Variants in MACROD2 observed in about 807,000 individuals in gnomAD.
MACROD2 encodes mono-ADP ribosylhydrolase 2.
In MACROD2, 36 loss-of-function variants were observed where a neutral mutation model predicts 70.4. The observed-to-expected ratio is 0.51, with a 90% CI of 0.39 to 0.68. The LOEUF (loss-of-function observed/expected upper bound fraction) is 0.68. Ranked by LOEUF, MACROD2 falls within the 30% of genes least tolerant of loss-of-function variation. The probability of loss-of-function intolerance (pLI) is 0.00; values close to 1 mark genes in which losing one functional copy is unlikely to be tolerated. For synonymous variants in MACROD2, 172 were observed against 178.8 expected (o/e 0.96, Z 0.30); for missense variants, 496 against 538.4 (o/e 0.92, Z 0.78).
intron 3 of MACROD2, among the ~76,000 whole-genome samples, chr20:14,313,274 T>G (rs1396269948): frequency 2.6e-5 from 4 of 152,196 alleles, no homozygotes; most frequent in Non-Finnish European, 5.9e-5. Flanking sequence ...TTTGTGAACA[T>G]TTGGTAAGCA....
chr20:15,305,334 C>T (rs1283872452), intron 6 of MACROD2, among the ~76,000 whole-genome samples: 1 of 151,890 alleles, frequency 6.6e-6, no homozygotes, highest in East Asian at 1.9e-4. Context: ...CCTCTTTTTC[C>T]AAAATGATTC....
At chr20:14,216,176 T>A (rs979951350) in intron 3 of MACROD2, among the ~76,000 whole-genome samples, 1 of 152,154 alleles carries the variant, frequency 6.6e-6, no homozygotes, top group African/African-American at 2.4e-5. Context: ...TTGAGTTGAT[T>A]TTTGTATAAG....
intron 5 of MACROD2, among the ~76,000 whole-genome samples, chr20:14,962,357 G>A (rs1385164052): frequency 2.0e-5 from 3 of 151,808 alleles, no homozygotes; most frequent in Non-Finnish European, 4.4e-5. Flanking sequence ...GGAGTACATT[G>A]GCTCAATCAT....
At chr20:14,391,648 A>G (rs2083527830) in intron 3 of MACROD2, among the ~76,000 whole-genome samples, 1 of 151,642 alleles carries the variant, frequency 6.6e-6, no homozygotes, top group African/African-American at 2.4e-5. Context: ...AGCCTTCTAT[A>G]AGAGATCTGT....
chr20:15,030,036 G>GCAC (rs2075262400), intron 5 of MACROD2, among the ~76,000 whole-genome samples: 1 of 142,972 alleles, frequency 7.0e-6, no homozygotes, highest in South Asian at 2.2e-4. Context: ...GTTGCAGTGA[G>GCAC]CACCACTGCA....
intron 15 of MACROD2, among the ~76,000 whole-genome samples, chr20:15,995,516 AT>A (rs375137161): frequency 3.3e-5 from 5 of 150,670 alleles, no homozygotes; most frequent in African/African-American, 9.8e-5. Flanking sequence ...TGCCCGGCTA[AT>A]TTTTTTGTAT....
At chr20:15,212,414 C>T (rs1394067775) in intron 5 of MACROD2, among the ~76,000 whole-genome samples, 1 of 152,158 alleles carries the variant, frequency 6.6e-6, no homozygotes, top group Non-Finnish European at 1.5e-5. Flanking sequence ...TGAGCTCTTC[C>T]TACTGCAAAA....
intron 6 of MACROD2, 49 bp downstream of exon 6, chr20:15,230,110 C>G: frequency 6.4e-7 from 1 of 1,559,438 alleles, no homozygotes; most frequent in Non-Finnish European, 8.7e-7. Flanking sequence ...AACCTTTATG[C>G]TTTAGTAATC....
chr20:15,375,944 G>A (rs960076423), intron 6 of MACROD2, among the ~76,000 whole-genome samples: 1 of 152,006 alleles, frequency 6.6e-6, no homozygotes, highest in East Asian at 1.9e-4. Flanking sequence ...TACAACAACA[G>A]TAATGATGAA....
chr20:14,182,391 A>G (rs745597982), intron 3 of MACROD2, among the ~76,000 whole-genome samples: 3 of 152,104 alleles, frequency 2.0e-5, no homozygotes, highest in Non-Finnish European at 4.4e-5. Flanking sequence ...TTTATCAGGT[A>G]TATGATTTGT....
At chr20:15,780,233 A>G (rs2051807989) in intron 8 of MACROD2, among the ~76,000 whole-genome samples, 1 of 152,126 alleles carries the variant, frequency 6.6e-6, no homozygotes, top group African/African-American at 2.4e-5. Context: ...AAAAATAAAT[A>G]TTTATTTAAG....
chr20:15,758,297 G>A (rs1434189288), intron 8 of MACROD2, among the ~76,000 whole-genome samples: 1 of 141,636 alleles, frequency 7.1e-6, no homozygotes, highest in Non-Finnish European at 1.5e-5. Context: ...GGAGTGTAGT[G>A]GCGGGATCTT....
At chr20:15,326,976 T>C (rs761613737) in intron 6 of MACROD2, among the ~76,000 whole-genome samples, 4 of 152,164 alleles carry the variant, frequency 2.6e-5, no homozygotes, top group Non-Finnish European at 4.4e-5. Flanking sequence ...TCATCTTAGG[T>C]TCATGGCTGA....
chr20:15,703,058 A>C lies in MACROD2; in HGVS notation c.646-159687A>C, dbSNP rs547167401. On this transcript the variant is annotated intron_variant, in intron 8 of 17. Transcript: ENST00000684519. ...GCAATGGGGAAAGGACACCCTATTC[A>C]ATAAACGGTGCTGGGATAGCTGGCT... 1.8e-3 allele frequency among the ~76,000 whole-genome samples: 273 copies of C among 152,344 alleles called. 2 individuals are homozygous for C. The highest frequency in any genetic ancestry group is 3.6e-3 in the Non-Finnish European group (246 of 68,028).
At chr20:15,994,016 T>C (rs2066594785) in intron 15 of MACROD2, among the ~76,000 whole-genome samples, 1 of 152,184 alleles carries the variant, frequency 6.6e-6, no homozygotes, top group Admixed American at 6.5e-5. Context: ...TTATCCATTG[T>C]CAAGTCTTAG....
chr20:14,850,247 A>C, intron 5 of MACROD2: 1 of 209,260 alleles, frequency 4.8e-6, no homozygotes. Context: ...GGTGATTAGA[A>C]GCTCTACAAC....
At chr20:14,705,954 AT>A (rs904496495) in intron 5 of MACROD2, among the ~76,000 whole-genome samples, 7 of 150,708 alleles carry the variant, frequency 4.6e-5, no homozygotes, top group South Asian at 4.2e-4. Flanking sequence ...AATAAGCCTG[AT>A]TTTTTTTAAT....
chr20:15,884,060 C>T (rs1290080334), intron 9 of MACROD2, among the ~76,000 whole-genome samples: 1 of 152,080 alleles, frequency 6.6e-6, no homozygotes, highest in African/African-American at 2.4e-5. Flanking sequence ...TATTATCCCA[C>T]TATACAGCTG....
At chr20:15,542,793 G>A (rs1458840659) in intron 8 of MACROD2, among the ~76,000 whole-genome samples, 1 of 152,124 alleles carries the variant, frequency 6.6e-6, no homozygotes, top group Non-Finnish European at 1.5e-5. Flanking sequence ...CCCTGGCTGG[G>A]AACTTAATCA....
Sources: allele counts gnomAD v4.1 joint callset (sites outside exome capture counted in the v4.1 genomes callset), GRCh38; gene constraint gnomAD v4.1.1; transcripts MANE v1.5; gene names NCBI Gene and HGNC (gene_info 2026-07-23, HGNC 2026-07-21).